MSTO1: variants seen among roughly 807,000 people sequenced by gnomAD.
MSTO1 encodes the protein protein misato homolog 1.
A neutral mutation model predicts 55.7 loss-of-function variants in MSTO1; 24 were observed. That is an observed-to-expected ratio of 0.43 (90% CI 0.31 to 0.61). The LOEUF (loss-of-function observed/expected upper bound fraction) is 0.61, where lower values mean the gene tolerates loss of function less well. Among genes scored for constraint, MSTO1 ranks in the 20% least tolerant of loss-of-function variants. MSTO1 has a pLI of 0.09. For synonymous variants in MSTO1, 162 were observed against 252.8 expected (o/e 0.64, Z 3.41); for missense variants, 363 against 625.7 (o/e 0.58, Z 4.48).
At chr1:155,591,436 T>C in the MSTO1 span, among the ~76,000 whole-genome samples, 1 of 152,232 alleles carries the variant, frequency 6.6e-6, no homozygotes, top group South Asian at 2.1e-4. Context: ...ATGGTTGTTT[T>C]CTTTGGAAAC....
chr1:155,564,165 G>A, the MSTO1 span, among the ~76,000 whole-genome samples: 1 of 152,186 alleles, frequency 6.6e-6, no homozygotes, highest in African/African-American at 2.4e-5. Context: ...TGGACTCCTG[G>A]GGATCCAGGA....
the MSTO1 span, among the ~76,000 whole-genome samples, chr1:155,592,361 A>G: frequency 6.6e-6 from 1 of 152,334 alleles, no homozygotes; most frequent in African/African-American, 2.4e-5. Context: ...TAGAAAGGAC[A>G]CAATAACACA....
chr1:155,607,740 C>T (rs953885381), upstream of MSTO1, among the ~76,000 whole-genome samples: 3 of 152,240 alleles, frequency 2.0e-5, no homozygotes, highest in Non-Finnish European at 4.4e-5. Context: ...TATTGGCTCA[C>T]GCCTGTAATC....
the MSTO1 span, among the ~76,000 whole-genome samples, chr1:155,585,182 A>G: frequency 6.6e-6 from 1 of 152,198 alleles, no homozygotes; most frequent in Non-Finnish European, 1.5e-5. Flanking sequence ...CTATTCGGTT[A>G]AATGGGTGCA....
chr1:155,577,079 C>CT, the MSTO1 span, among the ~76,000 whole-genome samples: 408 of 95,856 alleles, frequency 4.3e-3, 1 homozygote, highest in Non-Finnish European at 7.2e-3. Context: ...TTTTTTTTGT[C>CT]TTTTTTTTGT....
At chr1:155,614,019 A>G in intron 13 of MSTO1, 40 bp from the exon 14 acceptor site, 7 of 1,606,000 alleles carry the variant, frequency 4.4e-6, no homozygotes, top group Non-Finnish European at 6.0e-6. Context: ...GGGCAGAATA[A>G]TCATCCATCT....
chr1:155,609,082 C>A (rs1027268582), upstream of MSTO1, among the ~76,000 whole-genome samples: 1 of 151,682 alleles, frequency 6.6e-6, no homozygotes, highest in African/African-American at 2.4e-5. Context: ...CTGCCTCGGC[C>A]TCCCAAAGTG....
chr1:155,569,322 A>T, the MSTO1 span, among the ~76,000 whole-genome samples: 1 of 149,744 alleles, frequency 6.7e-6, no homozygotes, highest in Non-Finnish European at 1.5e-5. Context: ...TTTTTAGTGG[A>T]GACAGGGTTT....
At chr1:155,567,460 C>G in the MSTO1 span, among the ~76,000 whole-genome samples, 2 of 152,012 alleles carry the variant, frequency 1.3e-5, no homozygotes, top group African/African-American at 4.8e-5. Context: ...TACAGGCGCC[C>G]GCCACTGCGC....
At chr1:155,574,743 T>G in the MSTO1 span, among the ~76,000 whole-genome samples, 1 of 152,136 alleles carries the variant, frequency 6.6e-6, no homozygotes, top group Non-Finnish European at 1.5e-5. Flanking sequence ...ATTTTTTTTA[T>G]TAGTAGTAGA....
At chr1:155,601,997 G>A in the MSTO1 span, 6 of 427,334 alleles carry the variant, frequency 1.4e-5, no homozygotes, top group East Asian at 6.0e-5. Flanking sequence ...CTCGTGATCC[G>A]CCCACCTCAG....
the MSTO1 span, among the ~76,000 whole-genome samples, chr1:155,574,835 T>C: frequency 5.3e-5 from 8 of 151,662 alleles, no homozygotes; most frequent in African/African-American, 1.7e-4. Context: ...TGAGCCACCG[T>C]GCACAGCCTC....
chr1:155,605,996 CAT>C (rs1672927934), upstream of MSTO1, among the ~76,000 whole-genome samples: 1 of 152,102 alleles, frequency 6.6e-6, no homozygotes, highest in South Asian at 2.1e-4. Flanking sequence ...CCCATTCACA[CAT>C]ATGGATGCAA....
At chr1:155,578,009 G>A in the MSTO1 span, among the ~76,000 whole-genome samples, 2 of 152,246 alleles carry the variant, frequency 1.3e-5, no homozygotes, top group East Asian at 1.9e-4. Context: ...CTCCCAAAGA[G>A]CTGGGATTAT....
At chr1:155,609,243 A>ATATATATATATATATATATAT (rs59756178), upstream of MSTO1, among the ~76,000 whole-genome samples, 2 of 54,578 alleles carry the variant, frequency 3.7e-5, no homozygotes, top group African/African-American at 7.3e-5. Context: ...ATATATATAT[A>ATATATATATATATATATATAT]TTTTTTTTTT....
chr1:155,569,324 A>ACAGGGTTTCACCATGTTAGC, the MSTO1 span, among the ~76,000 whole-genome samples: 2 of 149,826 alleles, frequency 1.3e-5, no homozygotes, highest in South Asian at 4.2e-4. Flanking sequence ...TTTAGTGGAG[A>ACAGGGTTTCACCATGTTAGC]CAGGGTTTCA....
the MSTO1 span, among the ~76,000 whole-genome samples, chr1:155,564,211 AG>A: frequency 6.6e-6 from 1 of 152,212 alleles, no homozygotes; most frequent in Non-Finnish European, 1.5e-5. Context: ...AGCCCATGCA[AG>A]GCCGGGCGCG....
At chr1:155,592,411 A>G in the MSTO1 span, among the ~76,000 whole-genome samples, 9 of 152,226 alleles carry the variant, frequency 5.9e-5, no homozygotes, top group Non-Finnish European at 1.3e-4. Flanking sequence ...AAGGAATCAC[A>G]TGACTCCTCC....
the MSTO1 span, among the ~76,000 whole-genome samples, chr1:155,565,435 C>A: frequency 6.6e-6 from 1 of 151,974 alleles, no homozygotes; most frequent in African/African-American, 2.4e-5. Context: ...TTATAATAAA[C>A]AACACTTTGA....
Sources: gnomAD v4.1 joint callset for allele counts (sites outside exome capture counted in the v4.1 genomes callset) on GRCh38, gnomAD v4.1.1 for gene constraint, MANE v1.5 for transcripts, NCBI Gene and HGNC (gene_info 2026-07-23, HGNC 2026-07-21) for gene names.